NRG3: variants seen among roughly 807,000 people sequenced by gnomAD.
NRG3 encodes the protein neuregulin 3, also known as pro-neuregulin-3, membrane-bound isoform.
In NRG3, 31 loss-of-function variants were observed where a neutral mutation model predicts 66.9. That is an observed-to-expected ratio of 0.46 (90% CI 0.35 to 0.63). The LOEUF (loss-of-function observed/expected upper bound fraction) is 0.63. NRG3 is among the 20% of genes least tolerant of loss of function. NRG3 has a pLI of 0.00. For synonymous variants in NRG3, 393 were observed against 359.4 expected, an observed-to-expected ratio of 1.09 and a Z score of -1.06; for missense variants, 910 against 878.9, an observed-to-expected ratio of 1.04 and a Z score of -0.45.
intron 1 of NRG3, among the ~76,000 whole-genome samples, chr10:82,349,038 T>C (rs1255703418): frequency 1.3e-5 from 2 of 152,220 alleles, no homozygotes; most frequent in East Asian, 1.9e-4. Flanking sequence ...TCAGAGTAAT[T>C]TGATCTTCTA....
intron 5 of NRG3, among the ~76,000 whole-genome samples, chr10:82,958,677 A>C (rs926934924): frequency 6.6e-6 from 1 of 152,172 alleles, no homozygotes; most frequent in African/African-American, 2.4e-5. Flanking sequence ...GACTTCTTGC[A>C]TCTATGGGGG....
At chr10:82,584,765 T>C (rs895281741) in intron 2 of NRG3, among the ~76,000 whole-genome samples, 2 of 152,136 alleles carry the variant, frequency 1.3e-5, no homozygotes, top group Non-Finnish European at 2.9e-5. Context: ...ATAAGCATGA[T>C]GCTTTGACAG....
rs547478028 is a variant in NRG3, at chr10:82,910,002, G to A, written c.1055-41467G>A. ...ATGAAAAATAGAAAAACACTCTAAAGCGAAAACTGAAGGTCTTGATTGCAT... is the reference window on the plus strand; with the variant it reads ...ATGAAAAATAGAAAAACACTCTAAAACGAAAACTGAAGGTCTTGATTGCAT... On this transcript the variant is annotated intron_variant, in intron 4 of 8. Transcript: ENST00000372141. Among the ~76,000 whole-genome samples the A allele has an allele frequency of 1.1e-3, 160 of 152,244 alleles. 2 individuals are homozygous for A. In the South Asian group the frequency reaches 0.017, roughly 16 times the overall value.
At chr10:82,432,777 C>T (rs1185590925) in intron 2 of NRG3, among the ~76,000 whole-genome samples, 1 of 152,132 alleles carries the variant, frequency 6.6e-6, no homozygotes, top group Non-Finnish European at 1.5e-5. Flanking sequence ...TCATCCGAGT[C>T]CCTGCAAAGA....
intron 2 of NRG3, among the ~76,000 whole-genome samples, chr10:82,460,724 C>T (rs1015713918): frequency 2.0e-5 from 3 of 152,134 alleles, no homozygotes; most frequent in Non-Finnish European, 4.4e-5. Flanking sequence ...ACAGATATGA[C>T]ACTGCAGGGG....
intron 4 of NRG3, among the ~76,000 whole-genome samples, chr10:82,899,200 G>A (rs948113514): frequency 6.6e-6 from 1 of 152,094 alleles, no homozygotes; most frequent in Non-Finnish European, 1.5e-5. Context: ...ACACTAAAAA[G>A]TACCCCCTTA....
chr10:82,043,530 C>T (rs1320793726), intron 1 of NRG3, among the ~76,000 whole-genome samples: 1 of 151,884 alleles, frequency 6.6e-6, no homozygotes, highest in Non-Finnish European at 1.5e-5. Flanking sequence ...CAAATAATCC[C>T]AGTCCTTAAC....
intron 2 of NRG3, among the ~76,000 whole-genome samples, chr10:82,601,958 C>T (rs1281534823): frequency 6.7e-6 from 1 of 148,760 alleles, no homozygotes; most frequent in Non-Finnish European, 1.5e-5. Flanking sequence ...TGGTGCATGC[C>T]TATAGTCCTA....
intron 1 of NRG3, among the ~76,000 whole-genome samples, chr10:81,899,506 G>A (rs1315533659): frequency 2.0e-5 from 3 of 152,220 alleles, no homozygotes; most frequent in Non-Finnish European, 2.9e-5. Flanking sequence ...GCTTGGGGTT[G>A]GGCATTGTCC....
Position 82,713,644 on chromosome 10 carries a change from G to A in NRG3, c.954-24933G>A, listed in dbSNP as rs376488060. Reference sequence around the variant, plus strand: ...TATTCCAAATAATACAAATACAGAGGATTTATCAAGTGCATACATGGGACT... The same window carrying A: ...TATTCCAAATAATACAAATACAGAGAATTTATCAAGTGCATACATGGGACT... On this transcript the variant is annotated intron_variant, in intron 2 of 8. Transcript: ENST00000372141. 7.9e-5 allele frequency among the ~76,000 whole-genome samples: 12 copies of A among 152,304 alleles called. No homozygotes were observed. The South Asian group carries it at 1.7e-3, about 21-fold the overall frequency.
At chr10:82,962,974 G>A (rs779096537) in intron 6 of NRG3, among the ~76,000 whole-genome samples, 6 of 152,178 alleles carry the variant, frequency 3.9e-5, no homozygotes, top group Non-Finnish European at 7.3e-5. Context: ...TCTGTGTTGG[G>A]TACTGCAGGG....
intron 2 of NRG3, among the ~76,000 whole-genome samples, chr10:82,586,263 C>T (rs940421850): frequency 2.0e-5 from 3 of 147,388 alleles, no homozygotes; most frequent in Middle Eastern, 3.3e-3. Flanking sequence ...AACAAGAAAA[C>T]GAAACAAAGC....
intron 2 of NRG3, among the ~76,000 whole-genome samples, chr10:82,709,292 G>C (rs2056507074): frequency 6.6e-6 from 1 of 152,082 alleles, no homozygotes; most frequent in Non-Finnish European, 1.5e-5. Context: ...TGTGACTCTA[G>C]AGCTATAATC....
chr10:82,387,867 A>G (rs1336643731), intron 2 of NRG3, among the ~76,000 whole-genome samples: 2 of 152,248 alleles, frequency 1.3e-5, no homozygotes, highest in Non-Finnish European at 2.9e-5. Flanking sequence ...TGCTTTGGAA[A>G]GAATGCAGAT....
chr10:82,127,790 C>A (rs1388853453), intron 1 of NRG3, among the ~76,000 whole-genome samples: 1 of 151,932 alleles, frequency 6.6e-6, no homozygotes, highest in East Asian at 1.9e-4. Context: ...ATGCAAAATG[C>A]AAGCATTTCA....
Position 82,816,804 on chromosome 10 carries a change from C to T in NRG3, c.1028-48607C>T, listed in dbSNP as rs959973690. ...AGGCTCCCACAGGCTCAGCAGAGCA[C>T]GCAGCCCCAGCCATGCTTCTCCTGC... On this transcript the variant is annotated intron_variant, in intron 3 of 8. Coordinates refer to ENST00000372141, the MANE Select transcript of NRG3 (RefSeq NM_001010848.4). Among the ~76,000 whole-genome samples the T allele has an allele frequency of 1.4e-4, 21 of 152,188 alleles. 1 individual carries two copies. In the South Asian group the frequency reaches 1.7e-3, roughly 12 times the overall value.
intron 2 of NRG3, among the ~76,000 whole-genome samples, chr10:82,442,018 C>T (rs566501084): frequency 1.3e-5 from 2 of 152,214 alleles, no homozygotes; most frequent in South Asian, 2.1e-4. Context: ...TCCTCAAGTT[C>T]GAATTTCTTC....
intron 2 of NRG3, among the ~76,000 whole-genome samples, chr10:82,618,014 T>C (rs1206945948): frequency 6.6e-6 from 1 of 152,206 alleles, no homozygotes; most frequent in Non-Finnish European, 1.5e-5. Context: ...CTATGTCCCC[T>C]GCCCACCTGG....
At chr10:82,566,314 G>A (rs1461458847) in intron 2 of NRG3, among the ~76,000 whole-genome samples, 2 of 151,798 alleles carry the variant, frequency 1.3e-5, no homozygotes, top group African/African-American at 4.8e-5. Context: ...TTTTTGGGAG[G>A]TGGATGTATG....
Sources: allele counts gnomAD v4.1 joint callset (sites outside exome capture counted in the v4.1 genomes callset), GRCh38; gene constraint gnomAD v4.1.1; transcripts MANE v1.5; gene names NCBI Gene and HGNC (gene_info 2026-07-23, HGNC 2026-07-21).